The following TMIGD1 variants were observed in gnomAD, a reference collection of about 807,000 sequenced individuals.
TMIGD1 encodes transmembrane and immunoglobulin domain containing 1.
TMIGD1 carries 29 observed loss-of-function variants against 27.5 expected under a neutral mutation model. That is an observed-to-expected ratio of 1.05 (90% confidence interval 0.78 to 1.44). TMIGD1 has a LOEUF of 1.44. TMIGD1 is among the 40% of genes most tolerant of loss of function. The pLI is 0.00. For synonymous variants in TMIGD1, 109 were observed against 110.3 expected (o/e 0.99, Z 0.07); for missense variants, 334 against 310.6 (o/e 1.08, Z -0.57).
At chr17:30,324,707 C>A (rs1377704053) in intron 4 of TMIGD1, 109 bp downstream of exon 4, 3 of 1,311,542 alleles carry the variant, frequency 2.3e-6, no homozygotes, top group East Asian at 2.4e-5. Flanking sequence ...CAAAGAAAAT[C>A]CTGGCCCTAA....
At chr17:30,325,631 A>G (rs1465178720) in intron 3 of TMIGD1, among the ~76,000 whole-genome samples, 2 of 152,182 alleles carry the variant, frequency 1.3e-5, no homozygotes, top group East Asian at 1.9e-4. Flanking sequence ...TAATCCCTGT[A>G]AAGAATTTGC....
chr17:30,320,782 A>G (rs916027118), intron 4 of TMIGD1, among the ~76,000 whole-genome samples: 19 of 152,194 alleles, frequency 1.2e-4, no homozygotes, highest in African/African-American at 4.6e-4. Flanking sequence ...GCTTAAGCCC[A>G]GGAGTTCAGG....
chr17:30,328,968 C>CAA lies in TMIGD1; in HGVS notation c.361+281_361+282dup, dbSNP rs34701131. On this transcript the variant is annotated intron_variant, in intron 3 of 6. Transcript: ENST00000328886. ...TGGGCAACAGAGCGAGACTCTGTCT[C>CAA]AAAAAAAAAAAAAAGAAAGAAAGAA... 2.1e-3 allele frequency among the ~76,000 whole-genome samples: 186 copies of CAA among 86,696 alleles called. 1 individual carries two copies. Among genetic ancestry groups the CAA allele is most frequent in the South Asian group, 5.0e-3 (12 of 2,406 alleles). The allele number at this position is 86,696 out of a possible 152,430, so 56.9% of individuals were successfully genotyped here. A position where few individuals can be genotyped will look rare whatever the true frequency, so the allele number is the denominator to read the frequency against.
rs190342162 is a variant in TMIGD1 at position 30,326,834 on chromosome 17, G to A, written c.362-1740C>T. Among the ~76,000 whole-genome samples, 721 of 152,212 alleles carry A rather than the reference G, an allele frequency of 4.7e-3. 4 individuals carry two copies. Among genetic ancestry groups the A allele is most frequent in the African/African-American group, 0.017 (701 of 41,534 alleles). Reference sequence around the variant, plus strand: ...GTTCTCAATTTAAACTTTCAGCAACGAGGTATGAGAGGACCTGTTTCTCCA... The same window carrying A: ...GTTCTCAATTTAAACTTTCAGCAACAAGGTATGAGAGGACCTGTTTCTCCA... On this transcript the variant is annotated intron_variant, in intron 3 of 6. Coordinates refer to ENST00000328886, the MANE Select transcript of TMIGD1 (RefSeq NM_206832.3).
chr17:30,332,094 A>G lies in TMIGD1; in HGVS notation c.40T>C (p.Phe14Leu). ...AGAAATAAAATTACTAAGAGAAGAA[A>G]TCTTCCCATTTGCATTATGACACTG... ...KSSVIMQMGR[F>L]LLLVILFLPR... The change falls in exon 2 of 7, where the codon TTT becomes CTT. Residue 14 changes from phenylalanine to leucine, a missense_variant. Physicochemically the swap from Phe to Leu is conservative, Grantham distance 22. Transcript: ENST00000328886. 1.2e-6 allele frequency: 2 copies of G among 1,613,692 alleles called. No individual in the cohort carries two copies. Among genetic ancestry groups the G allele is most frequent in the South Asian group, 1.1e-5 (1 of 90,980 alleles).
At chr17:30,317,481 G>A (rs982104925) in intron 5 of TMIGD1, among the ~76,000 whole-genome samples, 4 of 152,092 alleles carry the variant, frequency 2.6e-5, no homozygotes, top group African/African-American at 9.7e-5. Context: ...AAATGCGGCC[G>A]AGTGCAGTGG....
At chr17:30,317,101 C>T (rs1411584873) in intron 6 of TMIGD1, 92 bp downstream of exon 6, 1 of 1,399,306 alleles carries the variant, frequency 7.1e-7, no homozygotes, top group South Asian at 1.2e-5. Flanking sequence ...CCTTCCAGCA[C>T]CTCCCATCTC....
chr17:30,332,195 G>A, intron 1 of TMIGD1, 37 bp from the exon 2 acceptor site: 1 of 1,320,124 alleles, frequency 7.6e-7, no homozygotes. Context: ...TTGTACTTTG[G>A]TCTGCAATGA....
At chr17:30,316,847 G>A (rs768025177) in intron 6 of TMIGD1, 157 bp from the exon 7 acceptor site, 6 of 712,236 alleles carry the variant, frequency 8.4e-6, no homozygotes, top group East Asian at 2.7e-5. Flanking sequence ...CAAAGAGAAG[G>A]CAGTATGGGG....
At chr17:30,322,825 C>T (rs556617917) in intron 4 of TMIGD1, among the ~76,000 whole-genome samples, 1 of 152,140 alleles carries the variant, frequency 6.6e-6, no homozygotes, top group South Asian at 2.1e-4. Context: ...ATACACAAAC[C>T]GAAGTAAACT....
intron 4 of TMIGD1, among the ~76,000 whole-genome samples, chr17:30,321,730 G>A (rs1909627772): frequency 6.6e-6 from 1 of 152,038 alleles, no homozygotes; most frequent in Admixed American, 6.6e-5. Context: ...GTGACTTTAG[G>A]TAAATTTAAT....
intron 4 of TMIGD1, among the ~76,000 whole-genome samples, chr17:30,319,499 T>C (rs893250293): frequency 1.4e-4 from 21 of 150,488 alleles, no homozygotes; most frequent in African/African-American, 5.1e-4. Context: ...TCAATTCCTT[T>C]GTGGAATAAT....
At chr17:30,326,733 G>A (rs561076074) in intron 3 of TMIGD1, among the ~76,000 whole-genome samples, 5 of 152,172 alleles carry the variant, frequency 3.3e-5, no homozygotes, top group East Asian at 1.9e-4. Flanking sequence ...TTTCTCCAAC[G>A]TTAACATCTA....
At chr17:30,327,739 C>T (rs1018563861) in intron 3 of TMIGD1, among the ~76,000 whole-genome samples, 10 of 127,350 alleles carry the variant, frequency 7.9e-5, no homozygotes, top group African/African-American at 2.7e-4. Flanking sequence ...AAAAACACAC[C>T]TTATTTTTTT....
At chr17:30,328,491 C>A (rs760552080) in intron 3 of TMIGD1, among the ~76,000 whole-genome samples, 2 of 151,828 alleles carry the variant, frequency 1.3e-5, no homozygotes, top group Non-Finnish European at 2.9e-5. Context: ...TTCAAAATGA[C>A]AAAGGACTAA....
intron 4 of TMIGD1, 98 bp downstream of exon 4, chr17:30,324,718 T>A: frequency 7.1e-7 from 1 of 1,406,226 alleles, no homozygotes; most frequent in South Asian, 1.4e-5. Flanking sequence ...CTGGCCCTAA[T>A]CATAACCGTT....
chr17:30,321,747 G>T (rs1359259733), intron 4 of TMIGD1, among the ~76,000 whole-genome samples: 1 of 152,176 alleles, frequency 6.6e-6, no homozygotes, highest in Non-Finnish European at 1.5e-5. Flanking sequence ...TAATTTCAAA[G>T]CCCAATCCCT....
chr17:30,317,543 G>C (rs1909456152), intron 5 of TMIGD1, among the ~76,000 whole-genome samples: 1 of 152,120 alleles, frequency 6.6e-6, no homozygotes, highest in Admixed American at 6.6e-5. Context: ...TGGATCATTT[G>C]AGGTCAGGAT....
chr17:30,328,300 T>C (rs567733038), intron 3 of TMIGD1, among the ~76,000 whole-genome samples: 39 of 152,126 alleles, frequency 2.6e-4, no homozygotes, highest in Non-Finnish European at 5.1e-4. Context: ...CCTCCCAAAG[T>C]GTTGGGATTA....
Sources: allele counts gnomAD v4.1 joint callset (sites outside exome capture counted in the v4.1 genomes callset), GRCh38; gene constraint gnomAD v4.1.1; transcripts MANE v1.5; gene names NCBI Gene and HGNC (gene_info 2026-07-23, HGNC 2026-07-21).